The following PAMR1 variants were observed in gnomAD, a reference collection of about 807,000 sequenced individuals.
PAMR1 encodes inactive serine protease PAMR1.
PAMR1 carries 88 observed loss-of-function variants against 81.8 expected under a neutral mutation model. That is an observed-to-expected ratio of 1.08 (90% CI 0.91 to 1.28). The LOEUF is 1.28. Among genes scored for constraint, PAMR1 ranks in the 50% most tolerant of loss-of-function variants. The pLI is 0.00. For missense variants in PAMR1, 935 were observed against 919.7 expected (o/e 1.02, Z -0.21); for synonymous variants, 336 against 345.3 (o/e 0.97, Z 0.30).
chr11:35,496,542 G>T (rs1223727899), intron 1 of PAMR1, among the ~76,000 whole-genome samples: 4 of 152,196 alleles, frequency 2.6e-5, no homozygotes, highest in Non-Finnish European at 4.4e-5. Context: ...TTTGGGAAAT[G>T]CAAATCAAAA....
At chr11:35,476,836 C>T (rs1850294083) in intron 3 of PAMR1, among the ~76,000 whole-genome samples, 1 of 152,002 alleles carries the variant, frequency 6.6e-6, no homozygotes, top group Non-Finnish European at 1.5e-5. Context: ...CTCCCAGTCT[C>T]ACATACCACT....
intron 6 of PAMR1, among the ~76,000 whole-genome samples, chr11:35,448,679 T>C (rs142765929): frequency 0.018 from 2,806 of 152,338 alleles, 43 homozygotes; most frequent in Non-Finnish European, 0.026. Flanking sequence ...TTCTGTGCCA[T>C]TGCTGGAGAG....
chr11:35,477,415 T>C (rs1033812737), intron 3 of PAMR1, among the ~76,000 whole-genome samples: 3 of 152,240 alleles, frequency 2.0e-5, no homozygotes, highest in African/African-American at 4.8e-5. Flanking sequence ...GTGATTTCCC[T>C]AAACTCAGAT....
chr11:35,521,737 G>T (rs947975592), intron 1 of PAMR1, among the ~76,000 whole-genome samples: 1 of 152,162 alleles, frequency 6.6e-6, no homozygotes, highest in Non-Finnish European at 1.5e-5. Context: ...AGCATAATCA[G>T]TCCATGTGCT....
At chr11:35,479,861 A>C (rs1360258885) in intron 3 of PAMR1, among the ~76,000 whole-genome samples, 1 of 152,176 alleles carries the variant, frequency 6.6e-6, no homozygotes, top group Admixed American at 6.5e-5. Flanking sequence ...TGGCTGTGAC[A>C]AGGGTTGCAA....
At chr11:35,513,104 C>G (rs577781212) in intron 1 of PAMR1, among the ~76,000 whole-genome samples, 2 of 152,234 alleles carry the variant, frequency 1.3e-5, no homozygotes, top group African/African-American at 4.8e-5. Context: ...CTATTCAGAA[C>G]AGAGCTCTGC....
chr11:35,462,951 TGAA>T (rs1382326443), intron 6 of PAMR1, among the ~76,000 whole-genome samples: 1 of 152,118 alleles, frequency 6.6e-6, no homozygotes, highest in Non-Finnish European at 1.5e-5. Context: ...CTTAGAACTG[TGAA>T]AAAAGGCAGT....
At chr11:35,441,397 G>A (rs1856161116) in intron 7 of PAMR1, 84 bp downstream of exon 7, 2 of 932,720 alleles carry the variant, frequency 2.1e-6, no homozygotes, top group South Asian at 1.5e-5. Flanking sequence ...ATTTTTCCAG[G>A]GGCTTAAAAA....
intron 6 of PAMR1, among the ~76,000 whole-genome samples, chr11:35,463,428 G>A (rs147447115): frequency 5.3e-5 from 8 of 152,318 alleles, no homozygotes; most frequent in East Asian, 1.9e-4. Flanking sequence ...TCCCAGCCCC[G>A]TCAACTGGGC....
In PAMR1 at chr11:35,473,345, G is replaced by C. The variant is rs149389367; in HGVS notation, c.494+1285C>G. ...ATGCTTCTCAATCCTCCACCGTTTT[G>C]CTATTTTAGAATATCCTTTTGCATC... On this transcript the variant is annotated intron_variant, in intron 4 of 10. Transcript: ENST00000619888. Among the ~76,000 whole-genome samples, 878 of 152,244 alleles carry C rather than the reference G, an allele frequency of 5.8e-3. 6 individuals carry two copies. The highest frequency in any genetic ancestry group is 0.018 in the African/African-American group (765 of 41,520).
At chr11:35,437,694 C>T (rs1180365080) in intron 8 of PAMR1, among the ~76,000 whole-genome samples, 2 of 152,208 alleles carry the variant, frequency 1.3e-5, no homozygotes, top group Non-Finnish European at 2.9e-5. Context: ...TTGAGAAACC[C>T]GGCACTTTGC....
At position 35,432,211 on chromosome 11, in the gene PAMR1, CACTG is replaced by C; in HGVS notation, c.*141_*144del. 1.4e-6 allele frequency: 1 copy of C among 694,096 alleles called. No individual in the cohort carries two copies. Among genetic ancestry groups the C allele is most frequent in the Non-Finnish European group, 2.4e-6 (1 of 413,592 alleles). 43.0% of individuals were successfully genotyped at this position (694,096 alleles called of 1,614,324 possible). A position where few individuals can be genotyped will look rare whatever the true frequency, so the allele number is the denominator to read the frequency against. ...CAGCAATGGAGGTCTACTCACCCTT[CACTG>C]AGTTTTGTCCCTGAAGTCAGAAGCC... On this transcript the variant is annotated 3_prime_UTR_variant, in exon 11 of 11. Coordinates refer to ENST00000619888, the MANE Select transcript of PAMR1 (RefSeq NM_001001991.3).
intron 1 of PAMR1, among the ~76,000 whole-genome samples, chr11:35,511,344 T>C (rs1851069181): frequency 6.6e-6 from 1 of 152,238 alleles, no homozygotes; most frequent in Admixed American, 6.5e-5. Flanking sequence ...TCTTCAACAT[T>C]ATATTTTAAG....
At chr11:35,462,772 T>C (rs928479065) in intron 6 of PAMR1, among the ~76,000 whole-genome samples, 6 of 152,166 alleles carry the variant, frequency 3.9e-5, no homozygotes, top group Admixed American at 3.9e-4. Flanking sequence ...GTGAGGCTCA[T>C]AGGAGCTAAA....
rs567500406 is a variant in PAMR1, at chr11:35,487,919, A to G, written c.379+4126T>C. ...GTACAGATGAAACAAGACATGGCAC[A>G]TAAAGTGCTCAGCACAGTTCCTACC... is the stretch of plus-strand genomic sequence containing the variant. On this transcript the variant is annotated intron_variant, in intron 3 of 10. Transcript: ENST00000619888. Among the ~76,000 whole-genome samples, 14 of 152,362 alleles carry G rather than the reference A, an allele frequency of 9.2e-5. No individual in the cohort carries two copies. In the South Asian group the frequency reaches 2.5e-3, roughly 27 times the overall value.
In PAMR1 at chr11:35,522,144, G is replaced by A. The variant is rs547712; in HGVS notation, c.73+3369C>T. ...TCACTGTGTTAGCCAGGATGGCCTC[G>A]ATCTCCTGACCTCGTGATCTGCCCG... On this transcript the variant is annotated intron_variant, in intron 1 of 10. Coordinates refer to ENST00000619888, the MANE Select transcript of PAMR1 (RefSeq NM_001001991.3). Among the ~76,000 whole-genome samples, 290 of 152,130 alleles carry A rather than the reference G, an allele frequency of 1.9e-3. 1 individual carries two copies. Among genetic ancestry groups the A allele is most frequent in the African/African-American group, 6.6e-3 (275 of 41,500 alleles).
At chr11:35,476,432 C>G (rs942058366) in intron 3 of PAMR1, among the ~76,000 whole-genome samples, 1 of 152,136 alleles carries the variant, frequency 6.6e-6, no homozygotes, top group Admixed American at 6.5e-5. Context: ...TTCATGAGAT[C>G]TGATGGTTTT....
At chr11:35,456,241 A>G (rs1409876527) in intron 6 of PAMR1, among the ~76,000 whole-genome samples, 1 of 152,216 alleles carries the variant, frequency 6.6e-6, no homozygotes, top group African/African-American at 2.4e-5. Context: ...CAATGAATAC[A>G]GTAAAGGTAA....
intron 6 of PAMR1, among the ~76,000 whole-genome samples, chr11:35,449,611 T>TC (rs1856370157): frequency 6.6e-6 from 1 of 152,070 alleles, no homozygotes; most frequent in African/African-American, 2.4e-5. Context: ...GATGGCTGCC[T>TC]CCCCTCCCCC....
Sources: gnomAD v4.1 joint callset for allele counts (sites outside exome capture counted in the v4.1 genomes callset) on GRCh38, gnomAD v4.1.1 for gene constraint, MANE v1.5 for transcripts, NCBI Gene and HGNC (gene_info 2026-07-23, HGNC 2026-07-21) for gene names.